Variants in COG5 observed in about 807,000 individuals in gnomAD.
COG5 encodes component of oligomeric golgi complex 5, also known as conserved oligomeric Golgi complex subunit 5.
COG5 carries 86 observed loss-of-function variants against 110.4 expected under a neutral mutation model. That is an observed-to-expected ratio of 0.78 (90% CI 0.65 to 0.93). The LOEUF (loss-of-function observed/expected upper bound fraction) is 0.93. Among genes scored for constraint, COG5 ranks in the 40% least tolerant of loss-of-function variants. The pLI is 0.00. For missense variants in COG5, 1,077 were observed against 987.0 expected, an observed-to-expected ratio of 1.09 and a Z score of -1.22; for synonymous variants, 360 against 334.6, an observed-to-expected ratio of 1.08 and a Z score of -0.83.
chr7:107,527,207 C>CT, intron 6 of COG5, 30 bp downstream of exon 6: 1 of 1,496,842 alleles, frequency 6.7e-7, no homozygotes, highest in South Asian at 1.3e-5. Context: ...TCTCTACTAA[C>CT]TTTTTATTTA....
At chr7:107,247,819 T>C (rs1325041333) in intron 17 of COG5, among the ~76,000 whole-genome samples, 1 of 152,142 alleles carries the variant, frequency 6.6e-6, no homozygotes, top group Non-Finnish European at 1.5e-5. Flanking sequence ...AATAACACCA[T>C]AGTGTTTGTG....
At chr7:107,440,809 G>A (rs1232615245) in intron 6 of COG5, among the ~76,000 whole-genome samples, 1 of 152,186 alleles carries the variant, frequency 6.6e-6, no homozygotes, top group Non-Finnish European at 1.5e-5. Flanking sequence ...GGAGAGGGAA[G>A]TGAAGTTTTG....
At chr7:107,257,780 A>G (rs951324754) in intron 15 of COG5, among the ~76,000 whole-genome samples, 119 of 152,160 alleles carry the variant, frequency 7.8e-4, no homozygotes, top group African/African-American at 2.7e-3. Context: ...AGCAAAATGA[A>G]TACATGTTAT....
At chr7:107,344,768 C>T (rs1490272605) in intron 10 of COG5, among the ~76,000 whole-genome samples, 3 of 152,200 alleles carry the variant, frequency 2.0e-5, no homozygotes, top group Non-Finnish European at 4.4e-5. Context: ...AGGTGATTCA[C>T]CCACCTCGGC....
chr7:107,435,430 A>G (rs1381480348), intron 6 of COG5, among the ~76,000 whole-genome samples: 1 of 152,152 alleles, frequency 6.6e-6, no homozygotes, highest in Non-Finnish European at 1.5e-5. Context: ...AGGTAGGTGG[A>G]TCACTTGAGG....
chr7:107,301,187 A>T (rs1410426359), intron 11 of COG5, among the ~76,000 whole-genome samples: 1 of 152,188 alleles, frequency 6.6e-6, no homozygotes, highest in Non-Finnish European at 1.5e-5. Context: ...CATCTGAGGG[A>T]ACTTTTCTGT....
intron 16 of COG5, among the ~76,000 whole-genome samples, chr7:107,253,835 G>A (rs1162189541): frequency 6.6e-6 from 1 of 152,048 alleles, no homozygotes; most frequent in African/African-American, 2.4e-5. Flanking sequence ...TGGAACACTT[G>A]CCCCAGATGG....
intron 5 of COG5, among the ~76,000 whole-genome samples, chr7:107,542,385 A>C (rs560083077): frequency 1.3e-5 from 2 of 152,326 alleles, no homozygotes; most frequent in East Asian, 3.9e-4. Context: ...CTAAGTGTTG[A>C]CAAGGATACA....
At chr7:107,228,306 C>CA (rs201009011) in intron 19 of COG5, among the ~76,000 whole-genome samples, 17,337 of 67,202 alleles carry the variant, frequency 0.26, 1,543 homozygotes, top group Non-Finnish European at 0.3. Flanking sequence ...CACCCGGTCT[C>CA]AAAAAAAAAA....
chr7:107,369,683 C>T (rs750465770), intron 8 of COG5, among the ~76,000 whole-genome samples: 12 of 152,122 alleles, frequency 7.9e-5, no homozygotes, highest in Admixed American at 3.3e-4. Flanking sequence ...GCCAACACGC[C>T]GGCCAGGTAA....
intron 10 of COG5, among the ~76,000 whole-genome samples, chr7:107,331,523 C>T (rs944737792): frequency 6.6e-5 from 10 of 151,906 alleles, no homozygotes; most frequent in Non-Finnish European, 7.4e-5. Context: ...GAATAGTGTG[C>T]GGGGTGTTAT....
At chr7:107,205,653 TATCC>T (rs1478533960) in intron 21 of COG5, among the ~76,000 whole-genome samples, 1 of 152,204 alleles carries the variant, frequency 6.6e-6, no homozygotes, top group Non-Finnish European at 1.5e-5. Flanking sequence ...TTATCTTCCT[TATCC>T]TTAGAATACC....
chr7:107,496,057 C>T (rs1798254239), intron 6 of COG5, among the ~76,000 whole-genome samples: 1 of 151,962 alleles, frequency 6.6e-6, no homozygotes, highest in East Asian at 1.9e-4. Context: ...CCTGAGATTA[C>T]AGTCACATGC....
intron 14 of COG5, 30 bp downstream of exon 14, chr7:107,281,270 T>G: frequency 7.2e-7 from 1 of 1,380,214 alleles, no homozygotes; most frequent in Non-Finnish European, 1.0e-6. Flanking sequence ...ATAAAATCAT[T>G]AAAGTTTACA....
chr7:107,315,446 C>T (rs1808645807), intron 11 of COG5, among the ~76,000 whole-genome samples: 1 of 151,966 alleles, frequency 6.6e-6, no homozygotes, highest in African/African-American at 2.4e-5. Flanking sequence ...TTTTCAGAGA[C>T]TAATACTGCA....
chr7:107,339,146 T>C (rs1378729774), intron 10 of COG5, among the ~76,000 whole-genome samples: 1 of 152,030 alleles, frequency 6.6e-6, no homozygotes, highest in Non-Finnish European at 1.5e-5. Flanking sequence ...TCACATGCAG[T>C]AACACCTATC....
At chr7:107,237,041 T>C (rs1305090770) in intron 17 of COG5, among the ~76,000 whole-genome samples, 3 of 152,218 alleles carry the variant, frequency 2.0e-5, no homozygotes, top group Non-Finnish European at 4.4e-5. Context: ...TCCACTCACA[T>C]GTTTTGCCTG....
chr7:107,426,033 A>T lies in COG5; in HGVS notation c.539-13401T>A, dbSNP rs569276487. 3.0e-4 allele frequency among the ~76,000 whole-genome samples: 46 copies of T among 152,264 alleles called. No individual in the cohort carries two copies. In the South Asian group the frequency reaches 8.9e-3, roughly 30 times the overall value. On this transcript the variant is annotated intron_variant, in intron 6 of 21. Transcript: ENST00000297135. Reference sequence around the variant, plus strand: ...AAAGAACTCCCAAGACTGCCAGCAAACCAAAGCTAGGCAAGAGGCATGGAA... The same window carrying T: ...AAAGAACTCCCAAGACTGCCAGCAATCCAAAGCTAGGCAAGAGGCATGGAA...
chr7:107,301,658 C>T (rs571800980), intron 11 of COG5, among the ~76,000 whole-genome samples: 3 of 152,092 alleles, frequency 2.0e-5, no homozygotes, highest in South Asian at 2.1e-4. Flanking sequence ...CACCTGAGGT[C>T]GGGAGTTTGA....
Sources: allele counts gnomAD v4.1 joint callset (sites outside exome capture counted in the v4.1 genomes callset), GRCh38; gene constraint gnomAD v4.1.1; transcripts MANE v1.5; gene names NCBI Gene and HGNC (gene_info 2026-07-23, HGNC 2026-07-21).